The following PTPRN2 variants were observed in gnomAD, a reference collection of about 807,000 sequenced individuals.
PTPRN2 encodes the protein receptor-type tyrosine-protein phosphatase N2.
In PTPRN2, 74 loss-of-function variants were observed where a neutral mutation model predicts 118.8. That is an observed-to-expected ratio of 0.62 (90% confidence interval 0.52 to 0.76). The LOEUF (loss-of-function observed/expected upper bound fraction) is 0.76. Among genes scored for constraint, PTPRN2 ranks in the 30% least tolerant of loss-of-function variants. The probability of loss-of-function intolerance (pLI) is 0.00; values close to 1 mark genes in which losing one functional copy is unlikely to be tolerated. For missense variants in PTPRN2, 1,481 were observed against 1,394.4 expected, an observed-to-expected ratio of 1.06 and a Z score of -0.99; for synonymous variants, 641 against 608.0, an observed-to-expected ratio of 1.05 and a Z score of -0.80.
At chr7:158,331,958 G>A (rs1237799469) in intron 2 of PTPRN2, among the ~76,000 whole-genome samples, 2 of 151,278 alleles carry the variant, frequency 1.3e-5, no homozygotes, top group Middle Eastern at 3.4e-3. Flanking sequence ...CCCACGATAA[G>A]AGCTGACAAC....
intron 2 of PTPRN2, among the ~76,000 whole-genome samples, chr7:158,450,742 C>G (rs1284759179): frequency 6.6e-6 from 1 of 152,242 alleles, no homozygotes; most frequent in African/African-American, 2.4e-5. Context: ...TCTTCCTCTC[C>G]TCCACCACCA....
At chr7:158,031,380 C>T (rs183929726) in intron 11 of PTPRN2, among the ~76,000 whole-genome samples, 5 of 152,298 alleles carry the variant, frequency 3.3e-5, no homozygotes, top group East Asian at 1.9e-4. Flanking sequence ...AGACAGGTCT[C>T]ACCAGAGGGT....
rs557995240 is a variant in PTPRN2 at position 158,071,018 on chromosome 7, C to G, written c.1723+10280G>C. On this transcript the variant is annotated intron_variant, in intron 11 of 22. Transcript: ENST00000389418. The stretch of plus-strand genomic sequence containing the variant: ...AGGTGCTCATGGTGGTGGAGGTGCT[C>G]GTGGTGGAGGTGCTCTTAGTATGGA... Among the ~76,000 whole-genome samples, 43 of 62,530 alleles carry G rather than the reference C, an allele frequency of 6.9e-4. 8 individuals carry two copies. The highest frequency in any genetic ancestry group is 4.9e-3 in the Admixed American group (26 of 5,296). The allele number at this position is 62,530 out of a possible 152,430, so 41.0% of individuals were successfully genotyped here.
At chr7:158,081,802 A>T (rs1812864044) in intron 10 of PTPRN2, among the ~76,000 whole-genome samples, 1 of 152,224 alleles carries the variant, frequency 6.6e-6, no homozygotes, top group African/African-American at 2.4e-5. Flanking sequence ...GAACCATTTA[A>T]AAAACTACCA....
chr7:158,191,253 G>T (rs1192284118), intron 5 of PTPRN2, among the ~76,000 whole-genome samples: 8 of 152,194 alleles, frequency 5.3e-5, no homozygotes, highest in Admixed American at 5.2e-4. Context: ...ATATCCCAGG[G>T]CCACAGCTCC....
intron 21 of PTPRN2, among the ~76,000 whole-genome samples, chr7:157,562,875 A>AC (rs1799269502): frequency 7.5e-6 from 1 of 132,584 alleles, no homozygotes; most frequent in East Asian, 2.3e-4. Context: ...ATGTCACCAC[A>AC]CGCAGATCAG....
intron 12 of PTPRN2, among the ~76,000 whole-genome samples, chr7:157,834,704 G>A (rs1807815060): frequency 6.6e-6 from 1 of 152,256 alleles, no homozygotes; most frequent in Admixed American, 6.5e-5. Context: ...GAAGCCACGG[G>A]GCTGCGGGCC....
Position 158,415,511 on chromosome 7 carries a change from G to A in PTPRN2, c.163+74224C>T, listed in dbSNP as rs139120976. The stretch of plus-strand genomic sequence containing the variant: ...CACCAGATTCAGATGTCACTGCTCC[G>A]GAGTGCGGCCTGCTTACCAGACTTA... On this transcript the variant is annotated intron_variant, in intron 2 of 22. Coordinates refer to ENST00000389418, the MANE Select transcript of PTPRN2 (RefSeq NM_002847.5). 2.0e-3 allele frequency among the ~76,000 whole-genome samples: 301 copies of A among 152,230 alleles called. 1 individual carries two copies. The highest frequency in any genetic ancestry group is 3.1e-3 in the Non-Finnish European group (209 of 68,006).
intron 3 of PTPRN2, among the ~76,000 whole-genome samples, chr7:158,314,792 C>A (rs1257546155): frequency 6.6e-6 from 1 of 152,282 alleles, no homozygotes; most frequent in African/African-American, 2.4e-5. Context: ...CACCCAAAAG[C>A]AGACACGTGT....
chr7:158,241,693 C>G (rs1585947439), intron 3 of PTPRN2, among the ~76,000 whole-genome samples: 1 of 152,176 alleles, frequency 6.6e-6, no homozygotes, highest in East Asian at 1.9e-4. Flanking sequence ...GTGTTCTGTT[C>G]TGTTTTCTCA....
chr7:158,189,693 C>T (rs1000743947), intron 5 of PTPRN2, among the ~76,000 whole-genome samples: 6 of 152,244 alleles, frequency 3.9e-5, no homozygotes, highest in Non-Finnish European at 7.3e-5. Flanking sequence ...AAAACCATCT[C>T]TGGACTGCAC....
At chr7:157,625,090 G>A (rs1476338312) in intron 14 of PTPRN2, among the ~76,000 whole-genome samples, 1 of 152,218 alleles carries the variant, frequency 6.6e-6, no homozygotes, top group African/African-American at 2.4e-5. Flanking sequence ...GTAGATGTTG[G>A]TGTGGATGCA....
intron 1 of PTPRN2, among the ~76,000 whole-genome samples, chr7:158,495,737 TGA>T (rs1182193952): frequency 3.9e-5 from 6 of 152,008 alleles, no homozygotes; most frequent in Non-Finnish European, 5.9e-5. Flanking sequence ...GCCTGAAAAG[TGA>T]GAGATTAAAG....
intron 2 of PTPRN2, among the ~76,000 whole-genome samples, chr7:158,336,326 G>T (rs375999771): frequency 1.8e-5 from 2 of 113,892 alleles, no homozygotes; most frequent in South Asian, 3.0e-4. Flanking sequence ...ACCATAAGAG[G>T]TGACACCTGC....
chr7:158,179,989 G>T (rs148201051), intron 5 of PTPRN2, among the ~76,000 whole-genome samples: 121 of 152,330 alleles, frequency 7.9e-4, no homozygotes, highest in African/African-American at 2.7e-3. Context: ...CTGCCTATGG[G>T]GTAGCCTGGC....
At chr7:158,184,791 C>T (rs1825004370) in intron 5 of PTPRN2, among the ~76,000 whole-genome samples, 1 of 151,658 alleles carries the variant, frequency 6.6e-6, no homozygotes, top group African/African-American at 2.4e-5. Context: ...CCAGCCTGGG[C>T]AAGAAGAATG....
chr7:158,249,225 A>G (rs1427674756), intron 3 of PTPRN2, among the ~76,000 whole-genome samples: 1 of 152,068 alleles, frequency 6.6e-6, no homozygotes, highest in East Asian at 1.9e-4. Context: ...ATAAATGCAT[A>G]CATACACGTA....
intron 3 of PTPRN2, among the ~76,000 whole-genome samples, chr7:158,265,335 TGTG>T (rs1296876430): frequency 6.6e-6 from 1 of 151,910 alleles, no homozygotes; most frequent in African/African-American, 2.4e-5. Context: ...GGGGCACACT[TGTG>T]GATGCACACC....
chr7:158,230,194 C>T (rs1438502012), intron 3 of PTPRN2, among the ~76,000 whole-genome samples: 1 of 152,056 alleles, frequency 6.6e-6, no homozygotes, highest in South Asian at 2.1e-4. Context: ...AAAGTCTTAC[C>T]CATACAAACA....
Sources: allele counts gnomAD v4.1 joint callset (sites outside exome capture counted in the v4.1 genomes callset), GRCh38; gene constraint gnomAD v4.1.1; transcripts MANE v1.5; gene names NCBI Gene and HGNC (gene_info 2026-07-23, HGNC 2026-07-21).